TRPC4: variants seen among roughly 807,000 people sequenced by gnomAD.
The protein encoded by TRPC4 is transient receptor potential cation channel subfamily C member 4, also known as short transient receptor potential channel 4.
A neutral mutation model predicts 99.4 loss-of-function variants in TRPC4; 49 were observed. The ratio of observed to expected loss-of-function variants is 0.49; its 90% CI spans 0.39 to 0.63. The LOEUF is 0.63. TRPC4 is among the 20% of genes least tolerant of loss of function. The pLI is 0.00. For missense variants in TRPC4, 898 were observed against 1,152.9 expected, an observed-to-expected ratio of 0.78 and a Z score of 3.20; for synonymous variants, 454 against 425.9, an observed-to-expected ratio of 1.07 and a Z score of -0.81.
intron 1 of TRPC4, among the ~76,000 whole-genome samples, chr13:37,850,432 T>A (rs2139675043): frequency 6.6e-6 from 1 of 152,342 alleles, no homozygotes; most frequent in Admixed American, 6.5e-5. Flanking sequence ...GGTTGTTTAA[T>A]TCCTGATGTG....
chr13:37,820,236 T>G (rs1211284853), intron 1 of TRPC4, among the ~76,000 whole-genome samples: 2 of 151,942 alleles, frequency 1.3e-5, no homozygotes, highest in Non-Finnish European at 2.9e-5. Context: ...CTCCCAAGAT[T>G]GAACCAGGAG....
chr13:37,792,776 C>CAA (rs71709950), intron 1 of TRPC4, among the ~76,000 whole-genome samples: 12 of 144,566 alleles, frequency 8.3e-5, no homozygotes, highest in South Asian at 2.2e-4. Context: ...GATGTGCAAA[C>CAA]AAAAAAAAAG....
intron 3 of TRPC4, among the ~76,000 whole-genome samples, chr13:37,726,730 C>G (rs74047138): frequency 0.041 from 6,224 of 151,368 alleles, 340 homozygotes; most frequent in African/African-American, 0.13. Flanking sequence ...AATTCAAACA[C>G]GTAAATAGTT....
intron 1 of TRPC4, among the ~76,000 whole-genome samples, chr13:37,866,236 T>G (rs140739813): frequency 1.6e-3 from 250 of 151,958 alleles, no homozygotes; most frequent in African/African-American, 5.7e-3. Context: ...TATGTAACAC[T>G]GTGTCCATGT....
intron 4 of TRPC4, among the ~76,000 whole-genome samples, chr13:37,689,618 G>A (rs1298868897): frequency 1.3e-5 from 2 of 152,052 alleles, no homozygotes; most frequent in Admixed American, 1.3e-4. Flanking sequence ...TTTCTAAGCT[G>A]GAATTATAAT....
intron 5 of TRPC4, 21 bp downstream of exon 5, chr13:37,674,207 A>T: frequency 1.9e-6 from 3 of 1,560,554 alleles, no homozygotes; most frequent in Non-Finnish European, 2.6e-6. Flanking sequence ...ATGCTTTACC[A>T]ACAACATAAA....
chr13:37,791,179 G>A (rs1020673654), intron 1 of TRPC4, among the ~76,000 whole-genome samples: 1 of 151,850 alleles, frequency 6.6e-6, no homozygotes, highest in Non-Finnish European at 1.5e-5. Context: ...AGATCACAAG[G>A]TCAGGAGTTC....
chr13:37,691,039 A>G (rs1033470649), intron 4 of TRPC4, among the ~76,000 whole-genome samples: 1 of 152,316 alleles, frequency 6.6e-6, no homozygotes, highest in South Asian at 2.1e-4. Context: ...TTAAAATGCA[A>G]ATTTTAACCA....
At chr13:37,772,309 A>G (rs945290570) in intron 2 of TRPC4, among the ~76,000 whole-genome samples, 1 of 151,724 alleles carries the variant, frequency 6.6e-6, no homozygotes, top group Non-Finnish European at 1.5e-5. Context: ...CCCAATAAAC[A>G]AATGTCAAAA....
intron 3 of TRPC4, among the ~76,000 whole-genome samples, chr13:37,736,940 C>G (rs951222295): frequency 6.8e-5 from 10 of 147,306 alleles, no homozygotes; most frequent in Admixed American, 4.1e-4. Flanking sequence ...ACCGTGTTGC[C>G]CAGGCTGGTC....
At chr13:37,650,654 C>T (rs1220810905) in intron 8 of TRPC4, among the ~76,000 whole-genome samples, 1 of 110,918 alleles carries the variant, frequency 9.0e-6, no homozygotes, top group Non-Finnish European at 2.0e-5. Context: ...TATTTAGATG[C>T]CTAAATTCTT....
chr13:37,719,800 A>T (rs73168454), intron 3 of TRPC4, among the ~76,000 whole-genome samples: 4,015 of 152,180 alleles, frequency 0.026, 87 homozygotes, highest in East Asian at 0.062. Context: ...AAAGATGTCC[A>T]TGTGGATATG....
intron 2 of TRPC4, among the ~76,000 whole-genome samples, chr13:37,759,576 A>G (rs973671611): frequency 6.6e-6 from 1 of 151,994 alleles, no homozygotes; most frequent in African/African-American, 2.4e-5. Flanking sequence ...AACAGTTATA[A>G]GCAGATATTT....
intron 2 of TRPC4, among the ~76,000 whole-genome samples, chr13:37,766,816 C>CT (rs1956385785): frequency 1.3e-5 from 2 of 151,440 alleles, no homozygotes; most frequent in Non-Finnish European, 1.5e-5. Flanking sequence ...CACTGACTGT[C>CT]TACTCACAGG....
rs149869072 is a variant in TRPC4, at chr13:37,836,113, T to C, written c.-28+33482A>G. On this transcript the variant is annotated intron_variant, in intron 1 of 10. Coordinates refer to ENST00000379705, the MANE Select transcript of TRPC4 (RefSeq NM_016179.4). ...AGTTCTCTCTCTTTGCCTGCTGCCA[T>C]CCATGTAAGATGTGACTTCCTCCTC... is the stretch of plus-strand genomic sequence containing the variant. Among the ~76,000 whole-genome samples the C allele has an allele frequency of 6.6e-3, 1,011 of 152,276 alleles. 13 individuals are homozygous for C. The highest frequency in any genetic ancestry group is 0.023 in the African/African-American group (958 of 41,534).
At chr13:37,674,516 T>G (rs1593484672) in intron 4 of TRPC4, 149 bp from the exon 5 acceptor site, 1 of 807,178 alleles carries the variant, frequency 1.2e-6, no homozygotes. Flanking sequence ...GTAATAACAC[T>G]GAGTCCCAGC....
At chr13:37,854,113 T>C (rs1471607317) in intron 1 of TRPC4, among the ~76,000 whole-genome samples, 1 of 152,012 alleles carries the variant, frequency 6.6e-6, no homozygotes, top group Non-Finnish European at 1.5e-5. Context: ...CAAAGACAAC[T>C]ACCTTGAAAC....
At chr13:37,723,002 A>C (rs909561137) in intron 3 of TRPC4, among the ~76,000 whole-genome samples, 3 of 152,168 alleles carry the variant, frequency 2.0e-5, no homozygotes, top group Non-Finnish European at 4.4e-5. Context: ...AGTGTTGACT[A>C]GTACTTAATG....
At chr13:37,707,825 G>A (rs1447420707) in intron 3 of TRPC4, among the ~76,000 whole-genome samples, 1 of 152,066 alleles carries the variant, frequency 6.6e-6, no homozygotes, top group African/African-American at 2.4e-5. Flanking sequence ...GAAAGAATTC[G>A]TACAAAATTA....
Sources: gnomAD v4.1 joint callset for allele counts (sites outside exome capture counted in the v4.1 genomes callset) on GRCh38, gnomAD v4.1.1 for gene constraint, MANE v1.5 for transcripts, NCBI Gene and HGNC (gene_info 2026-07-23, HGNC 2026-07-21) for gene names.